The following PMPCB variants were observed in gnomAD, a reference collection of about 807,000 sequenced individuals.
PMPCB encodes the protein peptidase, mitochondrial processing subunit beta, also known as mitochondrial-processing peptidase subunit beta.
In PMPCB, 46 loss-of-function variants were observed where a neutral mutation model predicts 61.5. That is an observed-to-expected ratio of 0.75 (90% CI 0.59 to 0.96). PMPCB has a LOEUF of 0.96. Among genes scored for constraint, PMPCB ranks in the 40% least tolerant of loss-of-function variants. The pLI is 0.00. For synonymous variants in PMPCB, 191 were observed against 201.6 expected, an observed-to-expected ratio of 0.95 and a Z score of 0.44; for missense variants, 590 against 602.4, an observed-to-expected ratio of 0.98 and a Z score of 0.22.
chr7:103,347,087 C>A, the PMPCB span, among the ~76,000 whole-genome samples: 1 of 152,242 alleles, frequency 6.6e-6, no homozygotes. Flanking sequence ...TTTCCCACAG[C>A]AGTTGCACCA....
intron 12 of PMPCB, among the ~76,000 whole-genome samples, chr7:103,326,263 C>G (rs1818702535): frequency 6.6e-6 from 1 of 152,160 alleles, no homozygotes; most frequent in Non-Finnish European, 1.5e-5. Context: ...CAGGTGTGAA[C>G]CACTGTGCCC....
intron 1 of PMPCB, chr7:103,297,761 A>G: frequency 6.5e-7 from 1 of 1,533,114 alleles, no homozygotes; most frequent in African/African-American, 1.4e-5. Flanking sequence ...CCTGCTAGTG[A>G]CGTGTGGGAT....
chr7:103,319,572 G>A (rs752717085), downstream of PMPCB: 46 of 1,592,274 alleles, frequency 2.9e-5, no homozygotes, highest in South Asian at 4.7e-4. Flanking sequence ...AGAATTAAAT[G>A]CTACATATAG....
chr7:103,310,294 G>C (rs1331361680), intron 8 of PMPCB, 21 bp from the exon 9 acceptor site: 2 of 1,599,720 alleles, frequency 1.3e-6, no homozygotes, highest in East Asian at 2.2e-5. Context: ...AAATTCTCTT[G>C]GAATTTTTTT....
chr7:103,343,348 A>G, the PMPCB span, among the ~76,000 whole-genome samples: 1 of 152,222 alleles, frequency 6.6e-6, no homozygotes, highest in East Asian at 1.9e-4. Flanking sequence ...GCTCTTAAAA[A>G]TTTTAAGAAT....
In PMPCB at chr7:103,310,322, C is replaced by T; in HGVS notation, c.1001C>T (p.Ser334Phe). 2 of 1,609,894 alleles carry T rather than the reference C, an allele frequency of 1.2e-6. No homozygotes were observed. The highest frequency in any genetic ancestry group is 8.5e-7 in the Non-Finnish European group (1 of 1,178,484). ...DRSFGGGMNLSSKLAQLTCHG... is the reference protein window; with the variant it reads ...DRSFGGGMNLFSKLAQLTCHG... The stretch of plus-strand genomic sequence containing the variant: ...ATTTTTTTTTCCTTGCAGAATTTAT[C>T]TAGCAAGCTGGCCCAGCTCACTTGT... Residue 334 changes from serine to phenylalanine, a missense_variant, in exon 9 of 13, where the codon TCT becomes TTT. Ser to Phe is a radical substitution (Grantham distance 155). Transcript: ENST00000249269.
At chr7:103,317,131 A>C, downstream of PMPCB, 1 of 918,682 alleles carries the variant, frequency 1.1e-6, no homozygotes, top group Non-Finnish European at 1.6e-6. Flanking sequence ...CTCTGACCCC[A>C]TACTCCTCTC....
chr7:103,333,950 C>CTTT (rs1563471240), downstream of PMPCB, among the ~76,000 whole-genome samples: 2 of 148,754 alleles, frequency 1.3e-5, no homozygotes. Flanking sequence ...CTGTTGTGAA[C>CTTT]ATTTTTTTTT....
At chr7:103,317,308 TTATTCA>T, downstream of PMPCB, 1 of 311,680 alleles carries the variant, frequency 3.2e-6, no homozygotes, top group East Asian at 5.5e-5. Context: ...GGTCACTGAG[TTATTCA>T]TCCACAAGGC....
At chr7:103,330,067 A>G (rs574142413), downstream of PMPCB, among the ~76,000 whole-genome samples, 1 of 152,322 alleles carries the variant, frequency 6.6e-6, no homozygotes, top group South Asian at 2.1e-4. Flanking sequence ...AAAGTAGGGA[A>G]TTAACTACAT....
the PMPCB span, chr7:103,344,856 A>AC: frequency 1.7e-6 from 1 of 588,060 alleles, no homozygotes; most frequent in East Asian, 2.8e-5. Flanking sequence ...CTAGTTCTAT[A>AC]CTGACTGAGA....
At chr7:103,311,489 C>T in intron 9 of PMPCB, 154 bp from the exon 10 acceptor site, 1 of 611,394 alleles carries the variant, frequency 1.6e-6, no homozygotes, top group South Asian at 2.1e-5. Context: ...GAAATTAATA[C>T]TGGGGAAAAT....
At chr7:103,320,089 T>C (rs953102414) in intron 12 of PMPCB, among the ~76,000 whole-genome samples, 1 of 152,008 alleles carries the variant, frequency 6.6e-6, no homozygotes, top group African/African-American at 2.4e-5. Flanking sequence ...TGTAAATGTT[T>C]TTAACTTTTT....
At chr7:103,337,843 T>C in the PMPCB span, 8 of 1,533,966 alleles carry the variant, frequency 5.2e-6, no homozygotes, top group South Asian at 1.1e-5. Context: ...GAGTCAAATT[T>C]GAAATGAAGC....
At chr7:103,332,842 T>C (rs1819027361), downstream of PMPCB, among the ~76,000 whole-genome samples, 1 of 152,184 alleles carries the variant, frequency 6.6e-6, no homozygotes, top group Non-Finnish European at 1.5e-5. Flanking sequence ...CAGGCTAGTC[T>C]TGAACTACAG....
At chr7:103,340,440 A>G in the PMPCB span, among the ~76,000 whole-genome samples, 1 of 152,192 alleles carries the variant, frequency 6.6e-6, no homozygotes, top group Non-Finnish European at 1.5e-5. Context: ...TAAACAACCA[A>G]TGACATAGGA....
rs1817388792 is a variant in PMPCB at position 103,299,508 on chromosome 7, T to C, written c.306T>C (p.Phe102=). 6.2e-7 allele frequency: 1 copy of C among 1,611,918 alleles called. No individual in the cohort carries two copies. The highest frequency in any genetic ancestry group is 2.2e-5 in the East Asian group (1 of 44,846). Residue 102 remains phenylalanine, a synonymous_variant, in exon 3 of 13, where the codon TTT becomes TTC. Coordinates refer to ENST00000249269, the MANE Select transcript of PMPCB (RefSeq NM_004279.3). ...AGAAGAACAATGGAACAGCACACTT[T>C]CTGGAGCATATGGCTTTCAAGGCAA... ...ENEKNNGTAH[F]LEHMAFKGTK...
Position 103,312,356 on chromosome 7 carries a change from G to A in PMPCB, c.*85G>A. The A allele has an allele frequency of 6.4e-7, 1 of 1,567,534 alleles. No homozygotes were observed. Among genetic ancestry groups the A allele is most frequent in the Non-Finnish European group, 8.6e-7 (1 of 1,165,130 alleles). ...TAAAAATGAACATGTATATACATTT[G>A]GAAATTTGAATTAAATACTGTATCA... On this transcript the variant is annotated 3_prime_UTR_variant, in exon 13 of 13. Transcript: ENST00000249269.
downstream of PMPCB, among the ~76,000 whole-genome samples, chr7:103,319,099 CCGCA>C (rs1693132126): frequency 6.6e-6 from 1 of 152,030 alleles, no homozygotes; most frequent in Non-Finnish European, 1.5e-5. Flanking sequence ...GTAATCCCAC[CCGCA>C]CTCCAGCCTG....
Sources: allele counts gnomAD v4.1 joint callset (sites outside exome capture counted in the v4.1 genomes callset), GRCh38; gene constraint gnomAD v4.1.1; transcripts MANE v1.5; gene names NCBI Gene and HGNC (gene_info 2026-07-23, HGNC 2026-07-21).